AGBL4: variants seen among roughly 807,000 people sequenced by gnomAD.
AGBL4 encodes cytosolic carboxypeptidase 6.
Under a neutral mutation model 66.4 loss-of-function variants are expected in AGBL4, and 58 were observed. The observed-to-expected ratio is 0.87, with a 90% CI of 0.71 to 1.09. The LOEUF (loss-of-function observed/expected upper bound fraction) is 1.09, where lower values mean the gene tolerates loss of function less well. AGBL4 is among the 50% of genes least tolerant of loss of function. The pLI, the probability that AGBL4 is intolerant of heterozygous loss-of-function variation, is 0.00. For synonymous variants in AGBL4, 234 were observed against 222.9 expected, an observed-to-expected ratio of 1.05 and a Z score of -0.44; for missense variants, 579 against 631.0, an observed-to-expected ratio of 0.92 and a Z score of 0.88.
chr1:48,862,828 T>C (rs1647616028), intron 6 of AGBL4, among the ~76,000 whole-genome samples: 1 of 152,162 alleles, frequency 6.6e-6, no homozygotes, highest in Non-Finnish European at 1.5e-5. Flanking sequence ...GAAAAAATCC[T>C]TAAAGTTCAA....
At chr1:48,842,169 A>T (rs1646819960) in intron 6 of AGBL4, among the ~76,000 whole-genome samples, 1 of 152,146 alleles carries the variant, frequency 6.6e-6, no homozygotes, top group African/African-American at 2.4e-5. Flanking sequence ...TTCCTTGCTC[A>T]ATCCCTCCCC....
At chr1:48,945,964 T>G (rs1656468339) in intron 5 of AGBL4, among the ~76,000 whole-genome samples, 1 of 152,218 alleles carries the variant, frequency 6.6e-6, no homozygotes, top group African/African-American at 2.4e-5. Flanking sequence ...ACAGTAAGTG[T>G]TCAATTAGTG....
intron 9 of AGBL4, among the ~76,000 whole-genome samples, chr1:48,601,927 A>G (rs1341151460): frequency 6.6e-6 from 1 of 152,166 alleles, no homozygotes; most frequent in African/African-American, 2.4e-5. Context: ...AAACAAGACA[A>G]AAAAATCAGG....
chr1:49,680,752 T>C (rs1368747752), intron 3 of AGBL4, among the ~76,000 whole-genome samples: 1 of 152,170 alleles, frequency 6.6e-6, no homozygotes, highest in Non-Finnish European at 1.5e-5. Context: ...TTTATGTATT[T>C]GCTATGATTT....
intron 2 of AGBL4, among the ~76,000 whole-genome samples, chr1:49,808,710 T>C (rs1453902876): frequency 6.6e-6 from 1 of 152,174 alleles, no homozygotes; most frequent in Non-Finnish European, 1.5e-5. Context: ...GCACGTTGAA[T>C]ATATCAGAAA....
chr1:48,717,537 C>T (rs781006565), intron 6 of AGBL4, among the ~76,000 whole-genome samples: 28 of 152,170 alleles, frequency 1.8e-4, no homozygotes, highest in East Asian at 1.4e-3. Context: ...TGTGTGTGCG[C>T]GCGTGCATGC....
chr1:49,889,547 G>A (rs572786147), intron 1 of AGBL4, among the ~76,000 whole-genome samples: 2 of 152,084 alleles, frequency 1.3e-5, no homozygotes, highest in Admixed American at 6.6e-5. Flanking sequence ...ACAAGGTCAG[G>A]AGATGGAGAC....
intron 3 of AGBL4, among the ~76,000 whole-genome samples, chr1:49,329,662 CG>C (rs1645293611): frequency 6.6e-6 from 1 of 151,706 alleles, no homozygotes; most frequent in Non-Finnish European, 1.5e-5. Flanking sequence ...TGAGACCCCC[CG>C]CCCCCCGCCA....
At chr1:49,872,821 G>T (rs776143486) in intron 1 of AGBL4, among the ~76,000 whole-genome samples, 1 of 151,722 alleles carries the variant, frequency 6.6e-6, no homozygotes, top group African/African-American at 2.4e-5. Context: ...TTGGAGAATT[G>T]GAAAGAAAAA....
chr1:49,043,303 C>A (rs984771239), intron 5 of AGBL4, among the ~76,000 whole-genome samples: 3 of 151,998 alleles, frequency 2.0e-5, no homozygotes, highest in Admixed American at 2.0e-4. Flanking sequence ...TTGTGTTGGC[C>A]AATATGGACT....
chr1:49,930,074 A>T (rs1653180311), intron 1 of AGBL4, among the ~76,000 whole-genome samples: 3 of 152,098 alleles, frequency 2.0e-5, no homozygotes, highest in Admixed American at 2.0e-4. Context: ...TCACATGGTG[A>T]TCAATAATAA....
At chr1:48,917,755 T>A (rs1319170256) in intron 5 of AGBL4, among the ~76,000 whole-genome samples, 1 of 152,330 alleles carries the variant, frequency 6.6e-6, no homozygotes, top group Middle Eastern at 3.4e-3. Flanking sequence ...GTGAAATGAC[T>A]TCCCTAAGGT....
chr1:48,886,023 C>T (rs190231093), intron 5 of AGBL4, among the ~76,000 whole-genome samples: 21 of 152,288 alleles, frequency 1.4e-4, no homozygotes, highest in Admixed American at 1.3e-3. Flanking sequence ...TCCCTTTTCT[C>T]CCCAAGATGG....
At chr1:49,266,491 C>T (rs1345777331) in intron 3 of AGBL4, among the ~76,000 whole-genome samples, 1 of 151,838 alleles carries the variant, frequency 6.6e-6, no homozygotes, top group East Asian at 1.9e-4. Flanking sequence ...TTCATTTAAT[C>T]ATAATTTTAA....
intron 4 of AGBL4, among the ~76,000 whole-genome samples, chr1:49,235,576 A>G (rs150561232): frequency 8.5e-5 from 13 of 152,296 alleles, no homozygotes; most frequent in Middle Eastern, 3.4e-3. Flanking sequence ...TCTAGATTCT[A>G]TTTCCCCAGA....
At chr1:49,971,907 G>GTTTTT (rs745772850) in intron 1 of AGBL4, among the ~76,000 whole-genome samples, 11 of 23,440 alleles carry the variant, frequency 4.7e-4, no homozygotes, top group East Asian at 1.4e-3. Context: ...GTTTTTTTGG[G>GTTTTT]TTTTTTTTTT....
intron 6 of AGBL4, among the ~76,000 whole-genome samples, chr1:48,689,203 C>CAAAAAA (rs939955179): frequency 5.1e-4 from 27 of 53,096 alleles, no homozygotes; most frequent in Admixed American, 8.5e-4. Flanking sequence ...GACCCGGTCT[C>CAAAAAA]AAAAAAAAAA....
intron 1 of AGBL4, among the ~76,000 whole-genome samples, chr1:49,914,010 A>G (rs2148217723): frequency 6.6e-6 from 1 of 152,288 alleles, no homozygotes; most frequent in Middle Eastern, 3.4e-3. Flanking sequence ...AATGCCTTCA[A>G]GGTCTTTCTC....
At chr1:49,541,292 A>T (rs1233494020) in intron 3 of AGBL4, among the ~76,000 whole-genome samples, 1 of 152,098 alleles carries the variant, frequency 6.6e-6, no homozygotes, top group East Asian at 1.9e-4. Flanking sequence ...GGGCTGGCCG[A>T]GGTCAGAGCC....
Sources: allele counts gnomAD v4.1 joint callset (sites outside exome capture counted in the v4.1 genomes callset), GRCh38; gene constraint gnomAD v4.1.1; transcripts MANE v1.5; gene names NCBI Gene and HGNC (gene_info 2026-07-23, HGNC 2026-07-21).